Variants in LRRN1 observed in about 807,000 individuals in gnomAD.
The protein encoded by LRRN1 is leucine-rich repeat neuronal protein 1.
In LRRN1, 14 loss-of-function variants were observed where a neutral mutation model predicts 45.8. The observed-to-expected ratio is 0.31, with a 90% CI of 0.20 to 0.48. The LOEUF is 0.48. LRRN1 is among the 20% of genes least tolerant of loss of function. The pLI is 0.99. For missense variants in LRRN1, 789 were observed against 874.2 expected, an observed-to-expected ratio of 0.90 and a Z score of 1.23; for synonymous variants, 359 against 330.1, an observed-to-expected ratio of 1.09 and a Z score of -0.95.
rs1180044799 is a variant in LRRN1 at position 3,816,484 on chromosome 3, T to G, written c.-279+16565T>G. Among the ~76,000 whole-genome samples, 1 of 152,126 alleles carries G rather than the reference T, an allele frequency of 6.6e-6. No homozygotes were observed. The highest frequency in any genetic ancestry group is 1.5e-5 in the Non-Finnish European group (1 of 68,016). On this transcript the variant is annotated intron_variant, in intron 1 of 1. Coordinates refer to ENST00000319331, the MANE Select transcript of LRRN1 (RefSeq NM_020873.7). This position sits in a 1 kb window ranked among gnomAD's most constrained non-coding sequence, Gnocchi z 4.0. ...ATCCCCTCCACCCTCAGTCCACTTT[T>G]AGAAGAAAAGGGAAGATTGGAAGAA...
Position 3,844,842 on chromosome 3 carries a change from C to T in LRRN1, c.201C>T (p.Pro67=). 6.2e-7 allele frequency: 1 copy of T among 1,614,184 alleles called. No homozygotes were observed. Among genetic ancestry groups the T allele is most frequent in the Non-Finnish European group, 8.5e-7 (1 of 1,180,030 alleles). The change falls in exon 2 of 2, where the codon CCC becomes CCT. Residue 67 remains proline, a synonymous_variant. Transcript: ENST00000319331. ...ATGACCTCCGCTTAACAAGGATTCC[C>T]AGTAACCTCTCTAGTGACACACAAG... ...DCNDLRLTRI[P]SNLSSDTQVL...
At chr3:3,822,459 A>C (rs1471165825) in intron 1 of LRRN1, among the ~76,000 whole-genome samples, 1 of 152,186 alleles carries the variant, frequency 6.6e-6, no homozygotes, top group Non-Finnish European at 1.5e-5. Context: ...AATCACTGAG[A>C]TGGATATATA....
At chr3:3,824,565 G>C (rs1693175626) in intron 1 of LRRN1, among the ~76,000 whole-genome samples, 1 of 152,094 alleles carries the variant, frequency 6.6e-6, no homozygotes, top group African/African-American at 2.4e-5. Context: ...TTGGCCATCA[G>C]TGTAATTGAT....
In LRRN1 at chr3:3,816,972, A is replaced by G. The variant is rs1440406014; in HGVS notation, c.-279+17053A>G. Among the ~76,000 whole-genome samples the G allele has an allele frequency of 6.6e-6, 1 of 152,200 alleles. No individual in the cohort carries two copies. The highest frequency in any genetic ancestry group is 2.4e-5 in the African/African-American group (1 of 41,452). ...GGATGGGTGATTGATTGATTGATTGATAAGATAGATAAGATACGATAGAGA... is the reference window on the plus strand; with the variant it reads ...GGATGGGTGATTGATTGATTGATTGGTAAGATAGATAAGATACGATAGAGA... On this transcript the variant is annotated intron_variant, in intron 1 of 1. Transcript: ENST00000319331. The surrounding 1 kb of genome is among the most constrained non-coding windows in gnomAD (Gnocchi z 4.0).
chr3:3,838,257 A>G (rs952229837), intron 1 of LRRN1, among the ~76,000 whole-genome samples: 25 of 152,280 alleles, frequency 1.6e-4, no homozygotes, highest in African/African-American at 5.5e-4. Flanking sequence ...AACTCAAGAT[A>G]GATTAAAGAC....
At chr3:3,820,154 T>C (rs1693073859) in intron 1 of LRRN1, among the ~76,000 whole-genome samples, 1 of 152,218 alleles carries the variant, frequency 6.6e-6, no homozygotes, top group Admixed American at 6.5e-5. Flanking sequence ...CCTGCTAGTT[T>C]TTAGAATTAC....
At chr3:3,805,317 G>T (rs1692729429) in intron 1 of LRRN1, among the ~76,000 whole-genome samples, 1 of 152,194 alleles carries the variant, frequency 6.6e-6, no homozygotes, top group African/African-American at 2.4e-5. Flanking sequence ...AAAAATGTTA[G>T]CATGGCAATA....
intron 1 of LRRN1, among the ~76,000 whole-genome samples, chr3:3,834,525 G>GATAGATATATATATATATATAT (rs1553563064): frequency 1.1e-4 from 3 of 27,328 alleles, no homozygotes; most frequent in Non-Finnish European, 2.0e-4. Flanking sequence ...GACAGAACAG[G>GATAGATATATATATATATATAT]ATATATATAT....
intron 1 of LRRN1, among the ~76,000 whole-genome samples, chr3:3,801,528 G>T (rs976344035): frequency 6.6e-6 from 1 of 152,094 alleles, no homozygotes; most frequent in Non-Finnish European, 1.5e-5. Context: ...TATGTGTCCC[G>T]AAGTCTCTGA....
At chr3:3,813,146 C>G (rs1433309361) in intron 1 of LRRN1, among the ~76,000 whole-genome samples, 1 of 152,190 alleles carries the variant, frequency 6.6e-6, no homozygotes, top group Admixed American at 6.5e-5. Flanking sequence ...GTAAAATGCA[C>G]TTAGCCACAT....
chr3:3,826,740 A>G (rs1693224870), intron 1 of LRRN1, among the ~76,000 whole-genome samples: 2 of 152,184 alleles, frequency 1.3e-5, no homozygotes, highest in African/African-American at 2.4e-5. Context: ...GGTTGGAGAA[A>G]GAAATCTAAG....
chr3:3,844,516 C>G lies in LRRN1; in HGVS notation c.-126C>G. 1 of 755,778 alleles carries G rather than the reference C, an allele frequency of 1.3e-6. No individual in the cohort carries two copies. The highest frequency in any genetic ancestry group is 2.7e-5 in the East Asian group (1 of 36,946). The allele number at this position is 755,778 out of a possible 1,614,324, so 46.8% of individuals were successfully genotyped here. Reference sequence around the variant, plus strand: ...TCCCTTTGGACTCTGGAATTCTACACAGCTCAACCAAGACTTTGCTTGAAT... The same window carrying G: ...TCCCTTTGGACTCTGGAATTCTACAGAGCTCAACCAAGACTTTGCTTGAAT... On this transcript the variant is annotated 5_prime_UTR_variant, in exon 2 of 2. Coordinates refer to ENST00000319331, the MANE Select transcript of LRRN1 (RefSeq NM_020873.7).
At position 3,846,044 on chromosome 3, in the gene LRRN1, C is replaced by G; in HGVS notation, c.1403C>G (p.Thr468Ser). 1 of 1,614,068 alleles carries G rather than the reference C, an allele frequency of 6.2e-7. No individual in the cohort carries two copies. Among genetic ancestry groups the G allele is most frequent in the Non-Finnish European group, 8.5e-7 (1 of 1,179,966 alleles). Residue 468 changes from threonine (T) to serine (S), a missense_variant, in exon 2 of 2, where the codon ACT becomes AGT. Transcript: ENST00000319331. This position sits in a 1 kb window ranked among gnomAD's most constrained non-coding sequence, Gnocchi z 5.7. ...YWVTPIGNKI[T>S]VETLSDKYKL... ...GTCACTCCCATTGGAAATAAGATAA[C>G]TGTGGAAACCCTTTCAGATAAATAC...
intron 1 of LRRN1, among the ~76,000 whole-genome samples, chr3:3,808,036 A>G (rs1218867912): frequency 6.6e-6 from 1 of 152,206 alleles, no homozygotes; most frequent in African/African-American, 2.4e-5. Context: ...CTGGTGGGAT[A>G]TGTTTCTCTT....
intron 1 of LRRN1, among the ~76,000 whole-genome samples, chr3:3,820,540 A>G (rs1401570902): frequency 6.6e-6 from 1 of 152,078 alleles, no homozygotes; most frequent in Non-Finnish European, 1.5e-5. Context: ...ACTTGAAAAG[A>G]GGAGATCTAT....
chr3:3,819,001 TA>T (rs199599655), intron 1 of LRRN1, among the ~76,000 whole-genome samples: 25,961 of 150,028 alleles, frequency 0.17, 2,549 homozygotes, highest in East Asian at 0.29. Flanking sequence ...ACTTTACTTT[TA>T]TTTTTTTTGA....
At chr3:3,827,567 G>A (rs1288286341) in intron 1 of LRRN1, 23 of 449,476 alleles carry the variant, frequency 5.1e-5, no homozygotes, top group Non-Finnish European at 9.0e-6. Flanking sequence ...CATTATTCAA[G>A]CCATTCCTAA....
rs1305568893 is a variant in LRRN1, at chr3:3,845,189, A to C, written c.548A>C (p.Asp183Ala). The C allele has an allele frequency of 6.2e-7, 1 of 1,614,194 alleles. No individual in the cohort carries two copies. Reference sequence around the variant, plus strand: ...AACTCCAACAAATTGAAAGTTATTGATAGTCGCTGGTTTGATTCTACACCC... The same window carrying C: ...AACTCCAACAAATTGAAAGTTATTGCTAGTCGCTGGTTTGATTCTACACCC... ...HLNSNKLKVIDSRWFDSTPNL... is the reference protein window; with the variant it reads ...HLNSNKLKVIASRWFDSTPNL... The change falls in exon 2 of 2, where the codon GAT (aspartate) becomes GCT (alanine). Residue 183 changes from aspartate to alanine, a missense_variant. Coordinates refer to ENST00000319331, the MANE Select transcript of LRRN1 (RefSeq NM_020873.7). The surrounding 1 kb of genome is among the most constrained non-coding windows in gnomAD (Gnocchi z 6.5).
At chr3:3,801,631 A>G (rs1419657237) in intron 1 of LRRN1, among the ~76,000 whole-genome samples, 1 of 152,212 alleles carries the variant, frequency 6.6e-6, no homozygotes, top group Non-Finnish European at 1.5e-5. Context: ...TCAGTTAACA[A>G]TAGACCTTAA....
Sources: gnomAD v4.1 joint callset for allele counts (sites outside exome capture counted in the v4.1 genomes callset) on GRCh38, gnomAD v4.1.1 for gene constraint, Gnocchi (gnomAD v3.1) non-coding constraint, MANE v1.5 for transcripts, NCBI Gene and HGNC (gene_info 2026-07-23, HGNC 2026-07-21) for gene names.